Variants in DNAH1 observed in about 807,000 individuals in gnomAD.
DNAH1 encodes axonemal beta dynein heavy chain 1.
In DNAH1, 327 loss-of-function variants were observed where a neutral mutation model predicts 484.3. The observed-to-expected ratio is 0.68, with a 90% CI of 0.62 to 0.74. DNAH1 has a LOEUF of 0.74. Ranked by LOEUF, DNAH1 falls within the 30% of genes least tolerant of loss-of-function variation. The pLI is 0.00. For synonymous variants in DNAH1, 2,192 were observed against 2,191.9 expected (o/e 1.00, Z 0.00); for missense variants, 5,052 against 5,546.8 (o/e 0.91, Z 2.83).
intron 52 of DNAH1, among the ~76,000 whole-genome samples, chr3:52,384,440 G>C (rs904637490): frequency 6.6e-6 from 1 of 152,160 alleles, no homozygotes; most frequent in Non-Finnish European, 1.5e-5. Flanking sequence ...AGCCTCTGAG[G>C]GGGAACCACC....
intron 21 of DNAH1, 35 bp from the exon 22 acceptor site, chr3:52,356,579 C>G (rs367677627): frequency 1.5e-4 from 237 of 1,609,222 alleles, no homozygotes; most frequent in Non-Finnish European, 1.8e-4. Flanking sequence ...CCTGACAGTC[C>G]ATATCACACC....
rs754374786 is a variant in DNAH1 at position 52,396,800 on chromosome 3, G to GGGCCTGGGGC, written c.11610+4_11610+13dup. ...AATATGATGACATCCCCTACAAGGT[G>GGGCCTGGGGC]GGCCTGGGGCAGACTGGGGCCTGGG... On this transcript the variant is annotated splice_donor_region_variant and intron_variant, in intron 72 of 77. Transcript: ENST00000420323. 2 of 1,612,922 alleles carry GGGCCTGGGGC rather than the reference G, an allele frequency of 1.2e-6. No homozygotes were observed. Among genetic ancestry groups the GGGCCTGGGGC allele is most frequent in the African/African-American group, 2.7e-5 (2 of 74,894 alleles).
At position 52,381,934 on chromosome 3, in the gene DNAH1, A is replaced by C; in HGVS notation, c.7805+98A>C. 1 of 1,304,506 alleles carries C rather than the reference A, an allele frequency of 7.7e-7. No individual in the cohort carries two copies. The highest frequency in any genetic ancestry group is 1.0e-6 in the Non-Finnish European group (1 of 965,056). The allele number at this position is 1,304,506 out of a possible 1,614,324, so 80.8% of individuals were successfully genotyped here. A position where few individuals can be genotyped will look rare whatever the true frequency, so the allele number is the denominator to read the frequency against. ...TGCACAGTGGTAGAGGCCTCGGGCA[A>C]CCCTGAAGTAGGCCCGTGCAGCCTA... is the stretch of plus-strand genomic sequence containing the variant. On this transcript the variant is annotated intron_variant, in intron 49 of 77. Transcript: ENST00000420323. The surrounding 1 kb of genome is among the most constrained non-coding windows in gnomAD (Gnocchi z 4.1).
At chr3:52,328,845 T>C (rs1701445117) in intron 6 of DNAH1, among the ~76,000 whole-genome samples, 1 of 152,216 alleles carries the variant, frequency 6.6e-6, no homozygotes, top group East Asian at 1.9e-4. Context: ...GGCTGAAGGC[T>C]GCTCTGCTCC....
chr3:52,390,892 T>C, intron 60 of DNAH1, 43 bp from the exon 61 acceptor site: 1 of 1,549,714 alleles, frequency 6.5e-7, no homozygotes, highest in Non-Finnish European at 8.7e-7. Context: ...TGACCCTGCT[T>C]GCAGGAAAGC....
At position 52,397,010 on chromosome 3, in the gene DNAH1, T is replaced by C; in HGVS notation, c.11753T>C (p.Ile3918Thr). 1 of 1,610,554 alleles carries C rather than the reference T, an allele frequency of 6.2e-7. No homozygotes were observed. The highest frequency in any genetic ancestry group is 2.2e-5 in the East Asian group (1 of 44,706). Residue 3918 changes from isoleucine to threonine, a missense_variant, in exon 73 of 78, where the codon ATC (isoleucine) becomes ACC (threonine). Ile to Thr is a moderately conservative substitution (Grantham distance 89). Transcript: ENST00000420323. ...SPEHSYSASG[I>T]YHQIPPTYDL... Reference sequence around the variant, plus strand: ...GAGCACAGCTACAGCGCCTCGGGCATCTACCACCAGATCCCGCCTACCTAC... The same window carrying C: ...GAGCACAGCTACAGCGCCTCGGGCACCTACCACCAGATCCCGCCTACCTAC...
chr3:52,357,978 G>T lies in DNAH1; in HGVS notation c.4061G>T (p.Arg1354Leu). 4 of 1,611,794 alleles carry T rather than the reference G, an allele frequency of 2.5e-6. No homozygotes were observed. The highest frequency in any genetic ancestry group is 3.4e-6 in the Non-Finnish European group (4 of 1,178,932). ...CCCACGGCCGTGCAGCCACACCTGC[G>T]CAAGTGCTTCGAGAACATCGCTCGG... is the stretch of plus-strand genomic sequence containing the variant. ...KDPTAVQPHL[R>L]KCFENIARLL... is the part of the protein sequence containing the mutation. Residue 1354 changes from arginine (R) to leucine (L), a missense_variant, in exon 24 of 78, where the codon CGC becomes CTC. Arg to Leu is a moderately radical substitution (Grantham distance 102). Around this residue, in one of 4 missense-constraint regions of DNAH1, gnomAD observed 2,929 missense variants for 3,409.4 expected, o/e 0.86. Coordinates refer to ENST00000420323, the MANE Select transcript of DNAH1 (RefSeq NM_015512.5).
chr3:52,360,161 A>G, intron 27 of DNAH1, 82 bp downstream of exon 27: 2 of 1,590,768 alleles, frequency 1.3e-6, no homozygotes. Context: ...GTTAGCAATA[A>G]GCTGGTCTCT....
At chr3:52,351,095 C>T (rs1351213813) in intron 16 of DNAH1, among the ~76,000 whole-genome samples, 1 of 152,178 alleles carries the variant, frequency 6.6e-6, no homozygotes, top group Non-Finnish European at 1.5e-5. Flanking sequence ...GGTGATCCAC[C>T]CGCCGCGCCC....
rs34181173 is a variant in DNAH1, at chr3:52,326,631, G to A, written c.582-104G>A. 0.045 allele frequency: 62,311 copies of A among 1,397,292 alleles called. 1,612 individuals are homozygous for A. Among genetic ancestry groups the A allele is most frequent in the Non-Finnish European group, 0.051 (52,509 of 1,035,576 alleles). 86.6% of individuals were successfully genotyped at this position (1,397,292 alleles called of 1,614,324 possible). On this transcript the variant is annotated intron_variant, in intron 4 of 77. Transcript: ENST00000420323. ...GTGGAGGGCTCCAGAGGGGTCTCTC[G>A]GCCACACCCCTGTCCCCACAACCCC...
At chr3:52,356,323 G>T (rs1033031140) in intron 21 of DNAH1, among the ~76,000 whole-genome samples, 2 of 152,204 alleles carry the variant, frequency 1.3e-5, no homozygotes, top group African/African-American at 4.8e-5. Context: ...CTTTGCTGGC[G>T]TGGGTGTGTT....
chr3:52,349,341 G>A lies in DNAH1; in HGVS notation c.2447G>A (p.Ser816Asn). ...FYINTDNVKQSLSKKRKALAT... is the reference protein window; with the variant it reads ...FYINTDNVKQNLSKKRKALAT... ...ATCAACACCGACAATGTCAAGCAGA[G>A]CCTGTCCAAGAAACGCAAGGCCCTG... The change falls in exon 14 of 78, where the codon AGC (serine) becomes AAC (asparagine). Residue 816 changes from serine (S) to asparagine (N), a missense_variant. Physicochemically the swap from Ser to Asn is conservative, Grantham distance 46. Around this residue, in one of 4 missense-constraint regions of DNAH1, gnomAD observed 1,263 missense variants for 1,218.8 expected, o/e 1.04. Coordinates refer to ENST00000420323, the MANE Select transcript of DNAH1 (RefSeq NM_015512.5). 1 of 1,614,010 alleles carries A rather than the reference G, an allele frequency of 6.2e-7. No homozygotes were observed. Among genetic ancestry groups the A allele is most frequent in the Non-Finnish European group, 8.5e-7 (1 of 1,179,890 alleles).
intron 63 of DNAH1, 71 bp downstream of exon 63, chr3:52,391,674 C>G: frequency 1.9e-6 from 3 of 1,577,768 alleles, no homozygotes; most frequent in South Asian, 1.1e-5. Flanking sequence ...CCTCTCCCAC[C>G]CCCAGGCCGG....
upstream of DNAH1, among the ~76,000 whole-genome samples, chr3:52,316,107 C>T (rs1700940771): frequency 6.6e-6 from 1 of 152,208 alleles, no homozygotes; most frequent in South Asian, 2.1e-4. Flanking sequence ...GTCCATCTGT[C>T]CAGCAGCCAC....
In DNAH1 at chr3:52,345,533, AAGG is replaced by A. The variant is rs778799400; in HGVS notation, c.1488_1490del (p.Glu496del). 1 of 1,580,824 alleles carries A rather than the reference AAGG, an allele frequency of 6.3e-7. No individual in the cohort carries two copies. Among genetic ancestry groups the A allele is most frequent in the Non-Finnish European group, 8.6e-7 (1 of 1,162,690 alleles). ...CCCCAAGTACCACTTCTGGGAGCAG[AAGG>A]AGGACTTCACTTTCGTGTCCCTGCT... On this transcript the variant is annotated inframe_deletion, in exon 10 of 78. Transcript: ENST00000420323.
chr3:52,366,323 A>G (rs1173771697), intron 34 of DNAH1, 134 bp from the exon 35 acceptor site: 2 of 696,570 alleles, frequency 2.9e-6, no homozygotes, highest in Non-Finnish European at 2.5e-6. Flanking sequence ...AGGTGCTACC[A>G]CCATCCTCAT....
chr3:52,393,866 T>A (rs1287875831), intron 66 of DNAH1, among the ~76,000 whole-genome samples: 1 of 152,196 alleles, frequency 6.6e-6, no homozygotes, highest in Non-Finnish European at 1.5e-5. Context: ...GCCACTGCAC[T>A]CCAGCCTGGA....
rs756408623 is a variant in DNAH1, at chr3:52,364,632, C to T, written c.5245-6C>T. On this transcript the variant is annotated splice_region_variant and splice_polypyrimidine_tract_variant and intron_variant, in intron 32 of 77. Transcript: ENST00000420323. The surrounding 1 kb of genome is among the most constrained non-coding windows in gnomAD (Gnocchi z 4.2). ...CTCACCCATGCCTCCTTCTGTATGG[C>T]GACAGGATCACTATGACTTCGGGAT... 8.7e-6 allele frequency: 14 copies of T among 1,613,778 alleles called. No individual in the cohort carries two copies. The highest frequency in any genetic ancestry group is 3.3e-5 in the South Asian group (3 of 91,082).
At position 52,318,710 on chromosome 3, in the gene DNAH1, G is replaced by A. The variant is rs1701038570; in HGVS notation, c.-35+2165G>A. 2.6e-5 allele frequency among the ~76,000 whole-genome samples: 4 copies of A among 152,326 alleles called. No homozygotes were observed. In the South Asian group the frequency reaches 8.3e-4, roughly 32 times the overall value. ...TAATACAGGGAGAGGTACACTGGAG[G>A]GGAAAGACACAGTTGTGGAGGGCAG... On this transcript the variant is annotated intron_variant, in intron 1 of 77. Coordinates refer to ENST00000420323, the MANE Select transcript of DNAH1 (RefSeq NM_015512.5).
Sources: allele counts gnomAD v4.1 joint callset (sites outside exome capture counted in the v4.1 genomes callset), GRCh38; gene constraint gnomAD v4.1.1; regional missense constraint gnomAD v4.1.1; non-coding constraint Gnocchi (gnomAD v3.1); transcripts MANE v1.5; gene names NCBI Gene and HGNC (gene_info 2026-07-23, HGNC 2026-07-21).